Variants in BACE1 observed in about 807,000 individuals in gnomAD.
BACE1 encodes the protein beta-secretase 1, also known as APP beta-secretase.
Under a neutral mutation model 54.0 loss-of-function variants are expected in BACE1, and 21 were observed. The observed-to-expected ratio is 0.39, with a 90% CI of 0.28 to 0.56. BACE1 has a LOEUF of 0.56. Among genes scored for constraint, BACE1 ranks in the 20% least tolerant of loss-of-function variants. The pLI is 0.63. For missense variants in BACE1, 511 were observed against 661.2 expected, an observed-to-expected ratio of 0.77 and a Z score of 2.49; for synonymous variants, 232 against 260.9, an observed-to-expected ratio of 0.89 and a Z score of 1.07.
chr11:117,302,008 C>T (rs945660513), intron 1 of BACE1, among the ~76,000 whole-genome samples: 1 of 152,202 alleles, frequency 6.6e-6, no homozygotes, highest in Non-Finnish European at 1.5e-5. Flanking sequence ...ACTGTTAACC[C>T]TCCTATGTAA....
rs753919298 is a variant in BACE1 at position 117,315,485 on chromosome 11, C to T, written c.261+50G>A. 6.6e-5 allele frequency: 102 copies of T among 1,555,018 alleles called. No homozygotes were observed. Among genetic ancestry groups the T allele is most frequent in the Non-Finnish European group, 8.1e-5 (94 of 1,156,506 alleles). ...AGCTTGAGGCATCCCCATCCTGTCT[C>T]CCCTCTGCTCATGCAGGCGGAGGGC... On this transcript the variant is annotated intron_variant, in intron 1 of 8. Transcript: ENST00000313005. The surrounding 1 kb of genome is among the most constrained non-coding windows in gnomAD (Gnocchi z 5.5).
Position 117,289,418 on chromosome 11 carries a change from C to T in BACE1, c.*148G>A, listed in dbSNP as rs1295294216. On this transcript the variant is annotated 3_prime_UTR_variant, in exon 9 of 9. Coordinates refer to ENST00000313005, the MANE Select transcript of BACE1 (RefSeq NM_012104.6). Reference sequence around the variant, plus strand: ...TGGAACCCACCTTGCCAGCCTTTTCCTTCTCCATCAAGGCAGAGGCATTTG... The same window carrying T: ...TGGAACCCACCTTGCCAGCCTTTTCTTTCTCCATCAAGGCAGAGGCATTTG... 2.9e-6 allele frequency: 4 copies of T among 1,367,014 alleles called. No homozygotes were observed. The highest frequency in any genetic ancestry group is 3.9e-6 in the Non-Finnish European group (4 of 1,031,566). The allele number at this position is 1,367,014 out of a possible 1,614,324, so 84.7% of individuals were successfully genotyped here. A position where few individuals can be genotyped will look rare whatever the true frequency, so the allele number is the denominator to read the frequency against.
At position 117,295,230 on chromosome 11, in the gene BACE1, C is replaced by G. The variant is rs142269502; in HGVS notation, c.468G>C (p.Val156=). 2.4e-4 allele frequency: 392 copies of G among 1,614,064 alleles called. No homozygotes were observed. Among genetic ancestry groups the G allele is most frequent in the Non-Finnish European group, 2.0e-4 (237 of 1,180,048 alleles). Residue 156 remains valine (V), a synonymous_variant, in exon 3 of 9, where the codon GTG becomes GTC. Coordinates refer to ENST00000313005, the MANE Select transcript of BACE1 (RefSeq NM_012104.6). The part of the protein sequence containing the change: ...VSIPHGPNVT[V]RANIAAITES... The stretch of plus-strand genomic sequence containing the variant: ...CAGTGATGGCAGCAATGTTGGCACG[C>G]ACAGTGACGTTGGGGCCATGGGGGA...
At chr11:117,308,473 C>G (rs182317425) in intron 1 of BACE1, among the ~76,000 whole-genome samples, 2 of 152,276 alleles carry the variant, frequency 1.3e-5, no homozygotes, top group Admixed American at 1.3e-4. Flanking sequence ...TGTCCCAGAT[C>G]GTAGAACACA....
At chr11:117,309,958 G>C (rs1219346669) in intron 1 of BACE1, among the ~76,000 whole-genome samples, 1 of 151,874 alleles carries the variant, frequency 6.6e-6, no homozygotes, top group Non-Finnish European at 1.5e-5. Context: ...ACCCAGGCTG[G>C]AGTGCAGTGG....
At chr11:117,291,278 G>GT (rs61070756) in intron 6 of BACE1, among the ~76,000 whole-genome samples, 1,470 of 141,430 alleles carry the variant, frequency 0.01, 9 homozygotes, top group East Asian at 0.019. Context: ...AAGGGGAAGA[G>GT]TTTTTTTTTT....
At position 117,295,248 on chromosome 11, in the gene BACE1, A is replaced by G. The variant is rs376695601; in HGVS notation, c.450T>C (p.His150=). The change falls in exon 3 of 9, where the codon CAT becomes CAC. Residue 150 remains histidine (H), a synonymous_variant. Coordinates refer to ENST00000313005, the MANE Select transcript of BACE1 (RefSeq NM_012104.6). ...ELGTDLVSIP[H]GPNVTVRANI... Reference sequence around the variant, plus strand: ...TGGCACGCACAGTGACGTTGGGGCCATGGGGGATGCTTACCAGGTCGGTGC... The same window carrying G: ...TGGCACGCACAGTGACGTTGGGGCCGTGGGGGATGCTTACCAGGTCGGTGC... 6.2e-7 allele frequency: 1 copy of G among 1,614,206 alleles called. No homozygotes were observed. The highest frequency in any genetic ancestry group is 8.5e-7 in the Non-Finnish European group (1 of 1,180,042).
At chr11:117,306,546 G>A (rs1305059426) in intron 1 of BACE1, among the ~76,000 whole-genome samples, 5 of 152,132 alleles carry the variant, frequency 3.3e-5, no homozygotes, top group Admixed American at 1.3e-4. Flanking sequence ...AGTGACTCAC[G>A]CCTGTAGTCC....
chr11:117,302,621 G>T (rs576699569), intron 1 of BACE1, among the ~76,000 whole-genome samples: 2 of 152,168 alleles, frequency 1.3e-5, no homozygotes, highest in Non-Finnish European at 2.9e-5. Context: ...GGTGGCTCAC[G>T]CCTGTAATCC....
At chr11:117,310,803 G>A (rs2034928410) in intron 1 of BACE1, among the ~76,000 whole-genome samples, 2 of 152,292 alleles carry the variant, frequency 1.3e-5, no homozygotes, top group South Asian at 2.1e-4. Context: ...ATAAGCAGGT[G>A]TAATGGGAGA....
rs1441538806 is a variant in BACE1 at position 117,291,787 on chromosome 11, G to A, written c.867C>T (p.Asp289=). ...KEYNYDKSIV[D]SGTTNLRLPK... ...GCAAACGAAGGTTGGTGGTGCCACT[G>A]TCCACAATGCTCTTGTCATAGTTGT... is the stretch of plus-strand genomic sequence containing the variant. Residue 289 remains aspartate (D), a synonymous_variant, in exon 6 of 9, where the codon GAC becomes GAT. Coordinates refer to ENST00000313005, the MANE Select transcript of BACE1 (RefSeq NM_012104.6). 2 of 1,612,840 alleles carry A rather than the reference G, an allele frequency of 1.2e-6. No individual in the cohort carries two copies. The highest frequency in any genetic ancestry group is 2.7e-5 in the African/African-American group (2 of 74,888).
In BACE1 at chr11:117,289,284, G is replaced by A. The variant is rs574779424; in HGVS notation, c.*282C>T. 4.9e-4 allele frequency: 202 copies of A among 408,780 alleles called. No individual in the cohort carries two copies. The highest frequency in any genetic ancestry group is 2.9e-3 in the African/African-American group (148 of 50,702). 25.3% of individuals were successfully genotyped at this position (408,780 alleles called of 1,614,324 possible). On this transcript the variant is annotated 3_prime_UTR_variant, in exon 9 of 9. Transcript: ENST00000313005. Reference sequence around the variant, plus strand: ...GAATGGTGGACAAAGGTTCAGGGCTGAAGTTTCAAGCAGCAGAATTTCCCG... The same window carrying A: ...GAATGGTGGACAAAGGTTCAGGGCTAAAGTTTCAAGCAGCAGAATTTCCCG...
At chr11:117,295,093 T>C (rs1207976898) in intron 3 of BACE1, 38 bp downstream of exon 3, 1 of 1,555,074 alleles carries the variant, frequency 6.4e-7, no homozygotes, top group African/African-American at 1.4e-5. Flanking sequence ...TAGTGCAGTG[T>C]GCATAGAGTG....
Position 117,315,297 on chromosome 11 carries a change from G to A in BACE1, c.261+238C>T, listed in dbSNP as rs896818926. On this transcript the variant is annotated intron_variant, in intron 1 of 8. Coordinates refer to ENST00000313005, the MANE Select transcript of BACE1 (RefSeq NM_012104.6). This position sits in a 1 kb window ranked among gnomAD's most constrained non-coding sequence, Gnocchi z 5.5. The stretch of plus-strand genomic sequence containing the variant: ...TGTCTTGCCTCAAATCCTTCCAGAC[G>A]GCGTATGTGTCAGATGAGGAGCAAG... Among the ~76,000 whole-genome samples, 3 of 152,140 alleles carry A rather than the reference G, an allele frequency of 2.0e-5. No homozygotes were observed. Among genetic ancestry groups the A allele is most frequent in the African/African-American group, 4.8e-5 (2 of 41,418 alleles).
rs1423655528 is a variant in BACE1 at position 117,293,703 on chromosome 11, C to CA, written c.705+167dup. The CA allele has an allele frequency of 2.9e-6, 2 of 685,420 alleles. No individual in the cohort carries two copies. Among genetic ancestry groups the CA allele is most frequent in the East Asian group, 3.4e-5 (1 of 29,030 alleles). The allele number at this position is 685,420 out of a possible 1,614,324, so 42.5% of individuals were successfully genotyped here. On this transcript the variant is annotated intron_variant, in intron 4 of 8. Transcript: ENST00000313005. The surrounding 1 kb of genome is among the most constrained non-coding windows in gnomAD (Gnocchi z 4.1). ...GCCTTGATTCCTTTCTGGAATAACG[C>CA]AAAAAAGAAAAGAATGGAAAAATAA... is the stretch of plus-strand genomic sequence containing the variant.
chr11:117,291,776 G>T lies in BACE1; in HGVS notation c.878C>A (p.Thr293Asn). ...CACTTTCTTGGGCAAACGAAGGTTG[G>T]TGGTGCCACTGTCCACAATGCTCTT... ...YDKSIVDSGT[T>N]NLRLPKKVFE... The change falls in exon 6 of 9, where the codon ACC becomes AAC. Residue 293 changes from threonine (T) to asparagine (N), a missense_variant. Physicochemically the swap from Thr to Asn is moderately conservative, Grantham distance 65 (BLOSUM62 0). Around this residue, in one of 2 missense-constraint regions of BACE1, gnomAD observed 407 missense variants for 565.7 expected, o/e 0.72. Coordinates refer to ENST00000313005, the MANE Select transcript of BACE1 (RefSeq NM_012104.6). 1 of 1,613,462 alleles carries T rather than the reference G, an allele frequency of 6.2e-7. No individual in the cohort carries two copies. Among genetic ancestry groups the T allele is most frequent in the South Asian group, 1.1e-5 (1 of 91,072 alleles).
intron 6 of BACE1, 37 bp downstream of exon 6, chr11:117,291,673 CTG>C (rs1380005124): frequency 6.2e-6 from 9 of 1,449,866 alleles, no homozygotes; most frequent in Non-Finnish European, 9.7e-7. Context: ...CCCTCTGACA[CTG>C]TACCATCTCT....
At chr11:117,290,848 C>CT in intron 7 of BACE1, 52 bp downstream of exon 7, 2 of 1,595,578 alleles carry the variant, frequency 1.3e-6, no homozygotes, top group Non-Finnish European at 1.7e-6. Context: ...TGCTCACTGT[C>CT]TCCCAGTGTG....
rs1490167309 is a variant in BACE1 at position 117,293,009 on chromosome 11, C to G, written c.840+45G>C. The G allele has an allele frequency of 1.2e-6, 2 of 1,602,648 alleles. No individual in the cohort carries two copies. Among genetic ancestry groups the G allele is most frequent in the Non-Finnish European group, 1.7e-6 (2 of 1,174,068 alleles). On this transcript the variant is annotated intron_variant, in intron 5 of 8. Coordinates refer to ENST00000313005, the MANE Select transcript of BACE1 (RefSeq NM_012104.6). This position sits in a 1 kb window ranked among gnomAD's most constrained non-coding sequence, Gnocchi z 4.1. Reference sequence around the variant, plus strand: ...AACCAGAGTCTTCCTTCACATTGTACTGCCTACCCCCTTATGTTCCCAGGC... The same window carrying G: ...AACCAGAGTCTTCCTTCACATTGTAGTGCCTACCCCCTTATGTTCCCAGGC...
Sources: allele counts gnomAD v4.1 joint callset (sites outside exome capture counted in the v4.1 genomes callset), GRCh38; gene constraint gnomAD v4.1.1; regional missense constraint gnomAD v4.1.1; non-coding constraint Gnocchi (gnomAD v3.1); transcripts MANE v1.5; gene names NCBI Gene and HGNC (gene_info 2026-07-23, HGNC 2026-07-21).